Variants in RIC3 observed in about 807,000 individuals in gnomAD.
The protein encoded by RIC3 is RIC3 acetylcholine receptor chaperone, also known as protein RIC-3.
RIC3 carries 28 observed loss-of-function variants against 27.3 expected under a neutral mutation model. The ratio of observed to expected loss-of-function variants is 1.02; its 90% confidence interval spans 0.76 to 1.41. The LOEUF is 1.41. Ranked by LOEUF, RIC3 falls within the 40% of genes most tolerant of loss-of-function variation. The pLI, the probability that RIC3 is intolerant of heterozygous loss-of-function variation, is 0.00. For synonymous variants in RIC3, 184 were observed against 160.4 expected, an observed-to-expected ratio of 1.15 and a Z score of -1.11; for missense variants, 501 against 444.7, an observed-to-expected ratio of 1.13 and a Z score of -1.14.
chr11:8,144,756 A>G (rs947860844), intron 1 of RIC3, among the ~76,000 whole-genome samples: 2 of 151,436 alleles, frequency 1.3e-5, no homozygotes, highest in Non-Finnish European at 3.0e-5. Context: ...CATTATTCAC[A>G]ATAGCAAAGA....
intron 1 of RIC3, among the ~76,000 whole-genome samples, chr11:8,141,322 A>G (rs941671282): frequency 3.3e-5 from 5 of 152,066 alleles, no homozygotes; most frequent in Non-Finnish European, 7.4e-5. Context: ...TCAAAATAAA[A>G]GGATGGAGGA....
intron 2 of RIC3, 183 bp from the exon 3 acceptor site, chr11:8,138,530 A>T: frequency 1.9e-6 from 1 of 534,394 alleles, no homozygotes; most frequent in South Asian, 3.0e-5. Flanking sequence ...TCCAAGTAAA[A>T]AATTATCAAA....
At chr11:8,133,853 A>G (rs1446958839) in intron 4 of RIC3, among the ~76,000 whole-genome samples, 1 of 152,148 alleles carries the variant, frequency 6.6e-6, no homozygotes, top group Admixed American at 6.5e-5. Flanking sequence ...AATTTGAGTT[A>G]AGGGAGTCTG....
the RIC3 span, chr11:8,101,034 G>A: frequency 6.2e-6 from 10 of 1,612,254 alleles, no homozygotes; most frequent in African/African-American, 1.3e-5. Context: ...TGGTCCGTAG[G>A]ATACCCAAGG....
intron 1 of RIC3, among the ~76,000 whole-genome samples, chr11:8,143,931 G>C (rs1949360649): frequency 1.3e-5 from 2 of 152,150 alleles, no homozygotes; most frequent in South Asian, 4.1e-4. Flanking sequence ...AATGGGGAAA[G>C]GATTCCCTAT....
At chr11:8,105,975 T>C (rs1944585501), downstream of RIC3, 1 of 152,230 alleles carries the variant, frequency 6.6e-6, no homozygotes, top group East Asian at 1.9e-4. Flanking sequence ...TGTATGTCTA[T>C]TTGCACAAGA....
At position 8,109,562 on chromosome 11, in the gene RIC3, C is replaced by G. The variant is rs1435742307; in HGVS notation, c.*1136G>C. 1 of 152,134 alleles carries G rather than the reference C, an allele frequency of 6.6e-6. No individual in the cohort carries two copies. The highest frequency in any genetic ancestry group is 1.5e-5 in the Non-Finnish European group (1 of 68,028). 9.4% of individuals were successfully genotyped at this position (152,134 alleles called of 1,614,324 possible). ...AGTATGGAACACATGGTCTCTACCC[C>G]TGGGCACTGCTATATTGGTTCTCTG... On this transcript the variant is annotated 3_prime_UTR_variant, in exon 6 of 6. Coordinates refer to ENST00000309737, the MANE Select transcript of RIC3 (RefSeq NM_001206671.4).
chr11:8,140,553 T>C (rs542375758), intron 1 of RIC3, among the ~76,000 whole-genome samples: 39 of 152,176 alleles, frequency 2.6e-4, no homozygotes, highest in Non-Finnish European at 4.3e-4. Flanking sequence ...TCCGTGATCA[T>C]TTCTTTTCTG....
At chr11:8,099,021 C>T in the RIC3 span, 18 of 675,052 alleles carry the variant, frequency 2.7e-5, no homozygotes, top group Admixed American at 4.0e-4. Context: ...TGTTCCTGGC[C>T]TAGGACAGGG....
At chr11:8,114,322 G>A (rs1008932715) in intron 5 of RIC3, among the ~76,000 whole-genome samples, 14 of 152,260 alleles carry the variant, frequency 9.2e-5, no homozygotes, top group East Asian at 1.9e-4. Flanking sequence ...ATGAAGATAC[G>A]GCCGGGCGTG....
chr11:8,147,301 T>C (rs928409144), intron 1 of RIC3, among the ~76,000 whole-genome samples: 2 of 152,210 alleles, frequency 1.3e-5, no homozygotes, highest in Non-Finnish European at 2.9e-5. Context: ...CGTCAGGACT[T>C]CTTGAGGCCG....
At chr11:8,098,816 G>T in the RIC3 span, 2 of 1,614,178 alleles carry the variant, frequency 1.2e-6, no homozygotes, top group Admixed American at 3.3e-5. Context: ...CCCTCAGAAG[G>T]CCTCATCCTC....
intron 5 of RIC3, among the ~76,000 whole-genome samples, chr11:8,123,227 G>A (rs1159368916): frequency 6.6e-6 from 1 of 151,766 alleles, no homozygotes; most frequent in African/African-American, 2.4e-5. Flanking sequence ...CATGACCTGT[G>A]GGGCAATATC....
At chr11:8,156,036 C>A (rs1332915610) in intron 1 of RIC3, among the ~76,000 whole-genome samples, 13 of 152,196 alleles carry the variant, frequency 8.5e-5, no homozygotes, top group Non-Finnish European at 1.6e-4. Context: ...TTTCTTTCAT[C>A]TTTTATCAAC....
chr11:8,098,639 G>A, the RIC3 span: 2 of 724,364 alleles, frequency 2.8e-6, no homozygotes. Context: ...TGCCTCCCTG[G>A]GCCTGCTCCT....
At chr11:8,121,395 T>A (rs1247237035) in intron 5 of RIC3, among the ~76,000 whole-genome samples, 1 of 152,198 alleles carries the variant, frequency 6.6e-6, no homozygotes, top group African/African-American at 2.4e-5. Flanking sequence ...CAGTGTTTTC[T>A]AAATTAGTTC....
At position 8,110,978 on chromosome 11, in the gene RIC3, C is replaced by A. The variant is rs1479618996; in HGVS notation, c.830G>T (p.Gly277Val). The change falls in exon 6 of 6, where the codon GGT becomes GTT. Residue 277 changes from glycine to valine, a missense_variant. Gly to Val is a moderately radical substitution (Grantham distance 109). Coordinates refer to ENST00000309737, the MANE Select transcript of RIC3 (RefSeq NM_001206671.4). ...GGGGTCAGTGGGCAGACTTTCCCAA[C>A]CCAAATGATCTGATTCTTCCTCTTC... ...MIEEEESDHL[G>V]WESLPTDPRA... 1 of 1,614,184 alleles carries A rather than the reference C, an allele frequency of 6.2e-7. No homozygotes were observed. Among genetic ancestry groups the A allele is most frequent in the East Asian group, 2.2e-5 (1 of 44,884 alleles).
Position 8,161,855 on chromosome 11 carries a change from C to T in RIC3, c.124+7011G>A, listed in dbSNP as rs145221032. Among the ~76,000 whole-genome samples the T allele has an allele frequency of 4.9e-3, 745 of 150,792 alleles. 10 individuals are homozygous for T. The highest frequency in any genetic ancestry group is 0.023 in the Admixed American group (331 of 14,388). On this transcript the variant is annotated intron_variant, in intron 1 of 5. Transcript: ENST00000309737. ...ATAAATGAGACACTCCCACTTTCTC[C>T]GGGCAATGGAATGTGAGGAGGTAAT... is the stretch of plus-strand genomic sequence containing the variant.
intron 1 of RIC3, among the ~76,000 whole-genome samples, chr11:8,151,585 C>CAAAAAAAAAAAAAAAAACACCA (rs60087055): frequency 1.6e-5 from 1 of 61,700 alleles, no homozygotes; most frequent in African/African-American, 1.1e-4. Flanking sequence ...AACTCCGTCT[C>CAAAAAAAAAAAAAAAAACACCA]AAAAAAAAAA....
Sources: gnomAD v4.1 joint callset for allele counts (sites outside exome capture counted in the v4.1 genomes callset) on GRCh38, gnomAD v4.1.1 for gene constraint, MANE v1.5 for transcripts, NCBI Gene and HGNC (gene_info 2026-07-23, HGNC 2026-07-21) for gene names.